PARP9: variants seen among roughly 807,000 people sequenced by gnomAD.
The protein encoded by PARP9 is poly(ADP-ribose) polymerase family member 9.
In PARP9, 48 loss-of-function variants were observed where a neutral mutation model predicts 68.8. The ratio of observed to expected loss-of-function variants is 0.70; its 90% CI spans 0.55 to 0.89. The LOEUF is 0.89. Among genes scored for constraint, PARP9 ranks in the 40% least tolerant of loss-of-function variants. PARP9 has a pLI of 0.00. For missense variants in PARP9, 806 were observed against 969.3 expected (o/e 0.83, Z 2.24); for synonymous variants, 309 against 333.8 (o/e 0.93, Z 0.81).
Position 122,536,954 on chromosome 3 carries a change from A to T in PARP9, c.1885T>A (p.Cys629Ser), listed in dbSNP as rs1472292223. The T allele has an allele frequency of 1.2e-6, 2 of 1,612,766 alleles. No homozygotes were observed. The highest frequency in any genetic ancestry group is 1.7e-6 in the Non-Finnish European group (2 of 1,179,634). ...TATACCTTTAGAACCTGCAAACCAC[A>T]TTTTTCAAACTGTTTCTTTTGATCT... ...LLDQKKQFEK[C>S]GLQVLKVEKI... The change falls in exon 9 of 11, where the codon TGT (cysteine) becomes AGT (serine). Residue 629 changes from cysteine (C) to serine (S), a missense_variant. Cys to Ser is a moderately radical substitution (Grantham distance 112). Coordinates refer to ENST00000682323, the MANE Select transcript of PARP9 (RefSeq NM_001146105.2).
intron 10 of PARP9, chr3:122,532,078 G>C (rs1410956213): frequency 2.2e-6 from 2 of 900,140 alleles, no homozygotes; most frequent in Non-Finnish European, 2.7e-6. Context: ...CCTGACTCTG[G>C]TGGGTGCAGT....
chr3:122,543,451 A>G (rs994975183), intron 7 of PARP9, among the ~76,000 whole-genome samples: 1 of 150,014 alleles, frequency 6.7e-6, no homozygotes, highest in Non-Finnish European at 1.5e-5. Flanking sequence ...CTAATTTTGT[A>G]TTTTTAGCAG....
chr3:122,539,902 T>G (rs1388326787), intron 8 of PARP9, among the ~76,000 whole-genome samples: 1 of 152,100 alleles, frequency 6.6e-6, no homozygotes, highest in Non-Finnish European at 1.5e-5. Context: ...CCTAGTTAGC[T>G]CTAGGGCTCT....
rs183954722 is a variant in PARP9, at chr3:122,545,539, T to C, written c.1327-50A>G. 4.4e-6 allele frequency: 7 copies of C among 1,577,040 alleles called. No individual in the cohort carries two copies. In the Admixed American group the frequency reaches 1.0e-4, roughly 23 times the overall value. ...GAGTCATAAGCAGGGCTGATAGCCA[T>C]TGTCATCAAAGTCTCCCTCTCTGCA... On this transcript the variant is annotated intron_variant, in intron 6 of 10. Coordinates refer to ENST00000682323, the MANE Select transcript of PARP9 (RefSeq NM_001146105.2).
intron 1 of PARP9, among the ~76,000 whole-genome samples, chr3:122,560,570 T>C (rs2080115854): frequency 6.6e-6 from 1 of 152,110 alleles, no homozygotes; most frequent in South Asian, 2.1e-4. Flanking sequence ...GTATTTTTAG[T>C]AGAGATGAGG....
intron 6 of PARP9, among the ~76,000 whole-genome samples, chr3:122,546,402 CTT>C (rs60209874): frequency 0.02 from 3,009 of 152,306 alleles, 103 homozygotes; most frequent in African/African-American, 0.069. Context: ...ATACGCAACA[CTT>C]TATAAAGTAG....
At position 122,536,942 on chromosome 3, in the gene PARP9, C is replaced by A. The variant is rs1160943287; in HGVS notation, c.1897G>T (p.Val633Phe). Residue 633 changes from valine (V) to phenylalanine (F), a missense_variant, in exon 9 of 11, where the codon GTT (valine) becomes TTT (phenylalanine). Val to Phe is a conservative substitution (Grantham distance 50, BLOSUM62 -1). Around this residue, in one of 2 missense-constraint regions of PARP9, gnomAD observed 680 missense variants for 858.8 expected, o/e 0.79. Coordinates refer to ENST00000682323, the MANE Select transcript of PARP9 (RefSeq NM_001146105.2). ...CCCTTTGTTAGGTATACCTTTAGAA[C>A]CTGCAAACCACATTTTTCAAACTGT... is the stretch of plus-strand genomic sequence containing the variant. ...KKQFEKCGLQ[V>F]LKVEKIDNEV... 1 of 1,611,992 alleles carries A rather than the reference C, an allele frequency of 6.2e-7. No homozygotes were observed. Among genetic ancestry groups the A allele is most frequent in the Non-Finnish European group, 8.5e-7 (1 of 1,179,436 alleles).
chr3:122,529,729 G>T (rs1203073357), intron 10 of PARP9, among the ~76,000 whole-genome samples: 5 of 150,408 alleles, frequency 3.3e-5, no homozygotes, highest in Admixed American at 3.3e-4. Flanking sequence ...ACTCCAGCCT[G>T]GGCAACACAG....
chr3:122,564,546 G>A, upstream of PARP9: 2 of 1,610,738 alleles, frequency 1.2e-6, no homozygotes, highest in Non-Finnish European at 1.7e-6. Flanking sequence ...GCGGCGGGGA[G>A]TGCACGGTCA....
intron 8 of PARP9, among the ~76,000 whole-genome samples, chr3:122,538,149 G>GCCCAGAAA (rs1352679353): frequency 2.0e-5 from 3 of 152,174 alleles, no homozygotes; most frequent in Non-Finnish European, 4.4e-5. Context: ...GAGTTGCAAA[G>GCCCAGAAA]CCCAGAAACT....
intron 1 of PARP9, among the ~76,000 whole-genome samples, chr3:122,562,600 T>C (rs2080335718): frequency 6.6e-6 from 1 of 152,244 alleles, no homozygotes; most frequent in African/African-American, 2.4e-5. Context: ...AAAGGTTTCC[T>C]CCTGTCTCCG....
intron 6 of PARP9, among the ~76,000 whole-genome samples, chr3:122,547,991 C>T (rs1030105659): frequency 6.6e-6 from 1 of 152,182 alleles, no homozygotes; most frequent in Admixed American, 6.5e-5. Context: ...AGAAGGTGAG[C>T]TACTTCCTTG....
intron 10 of PARP9, 82 bp from the exon 11 acceptor site, chr3:122,528,825 T>G: frequency 8.0e-7 from 1 of 1,256,206 alleles, no homozygotes; most frequent in South Asian, 1.6e-5. Context: ...TATCTATTCT[T>G]TCTTTAGTCT....
rs1011984076 is a variant in PARP9 at position 122,535,698 on chromosome 3, C to A, written c.2080+470G>T. 26 of 989,350 alleles carry A rather than the reference C, an allele frequency of 2.6e-5. No homozygotes were observed. In the African/African-American group the frequency reaches 4.4e-4, roughly 17 times the overall value. The allele number at this position is 989,350 out of a possible 1,614,324, so 61.3% of individuals were successfully genotyped here. A position where few individuals can be genotyped will look rare whatever the true frequency, so the allele number is the denominator to read the frequency against. ...TATGCACTTCACCTGCCAAATGATA[C>A]CTAATTCATTCACTAGCAGGCTATA... On this transcript the variant is annotated intron_variant, in intron 10 of 10. Transcript: ENST00000682323.
At chr3:122,539,511 CTTTCTTTCTTTCTTT>C (rs1488451837) in intron 8 of PARP9, among the ~76,000 whole-genome samples, 33 of 17,014 alleles carry the variant, frequency 1.9e-3, no homozygotes, top group African/African-American at 7.4e-3. Flanking sequence ...GATGGCATTT[CTTTCTTTCTTTCTTT>C]CTTTCTTTCT....
intron 8 of PARP9, among the ~76,000 whole-genome samples, chr3:122,539,507 A>ACTTC (rs1553714536): frequency 7.5e-6 from 1 of 133,162 alleles, no homozygotes; most frequent in African/African-American, 2.9e-5. Flanking sequence ...CCAAGATGGC[A>ACTTC]TTTCTTTCTT....
At chr3:122,552,261 T>C (rs1173050525) in intron 5 of PARP9, among the ~76,000 whole-genome samples, 157 bp downstream of exon 5, 1 of 152,160 alleles carries the variant, frequency 6.6e-6, no homozygotes, top group Non-Finnish European at 1.5e-5. Flanking sequence ...ACTGTACCTG[T>C]TCAGTATTTC....
chr3:122,538,013 T>C (rs1415298109), intron 8 of PARP9, among the ~76,000 whole-genome samples: 1 of 152,148 alleles, frequency 6.6e-6, no homozygotes, highest in African/African-American at 2.4e-5. Flanking sequence ...ACCTAATCCC[T>C]GGTTCATTAT....
intron 4 of PARP9, among the ~76,000 whole-genome samples, chr3:122,555,039 T>C (rs1553719624): frequency 6.6e-6 from 1 of 151,940 alleles, no homozygotes; most frequent in Non-Finnish European, 1.5e-5. Context: ...AAACTTAAAT[T>C]AAAATTTTTT....
Sources: allele counts gnomAD v4.1 joint callset (sites outside exome capture counted in the v4.1 genomes callset), GRCh38; gene constraint gnomAD v4.1.1; regional missense constraint gnomAD v4.1.1; transcripts MANE v1.5; gene names NCBI Gene and HGNC (gene_info 2026-07-23, HGNC 2026-07-21).